Variants in RFX3 observed in about 807,000 individuals in gnomAD.
The protein encoded by RFX3 is transcription factor RFX3.
In RFX3, 14 loss-of-function variants were observed where a neutral mutation model predicts 98.6. The observed-to-expected ratio is 0.14, with a 90% confidence interval of 0.09 to 0.22. The LOEUF (loss-of-function observed/expected upper bound fraction) is 0.22, where lower values mean the gene tolerates loss of function less well. Among genes scored for constraint, RFX3 ranks in the 10% least tolerant of loss-of-function variants. RFX3 has a pLI of 1.00. For missense variants in RFX3, 639 were observed against 926.9 expected (o/e 0.69, Z 4.03); for synonymous variants, 383 against 328.4 (o/e 1.17, Z -1.80).
At chr9:3,490,180 G>GA (rs922772431) in intron 1 of RFX3, 7 of 298,312 alleles carry the variant, frequency 2.3e-5, no homozygotes, top group Non-Finnish European at 3.5e-5. Context: ...AATTACTATT[G>GA]AAAAAATTCA....
Position 3,248,116 on chromosome 9 carries a change from T to C in RFX3, c.1884A>G (p.Leu628=), listed in dbSNP as rs776258857. The change falls in exon 15 of 17, where the codon CTA becomes CTG. Residue 628 remains leucine, a synonymous_variant. Transcript: ENST00000617270. ...ASFGSFHLIR[L]LYDEYMFYLV... is the part of the protein sequence containing the mutation. ...AGTAAAACATATATTCGTCGTAGAG[T>C]AGACGGATCAGGTGGAAGGAGCCAA... The C allele has an allele frequency of 6.8e-6, 11 of 1,613,734 alleles. No homozygotes were observed. The highest frequency in any genetic ancestry group is 7.6e-6 in the Non-Finnish European group (9 of 1,179,892).
At chr9:3,483,025 T>G (rs911936842) in intron 1 of RFX3, among the ~76,000 whole-genome samples, 1 of 152,208 alleles carries the variant, frequency 6.6e-6, no homozygotes, top group African/African-American at 2.4e-5. Context: ...GCAGTTTAGC[T>G]ATTTGCTTCA....
intron 1 of RFX3, among the ~76,000 whole-genome samples, chr9:3,406,966 C>A (rs1162492555): frequency 3.3e-5 from 5 of 152,130 alleles, no homozygotes; most frequent in African/African-American, 1.2e-4. Flanking sequence ...TCTGACATAT[C>A]ATTTACTGTG....
chr9:3,417,471 G>A (rs948279819), intron 1 of RFX3, among the ~76,000 whole-genome samples: 2 of 151,926 alleles, frequency 1.3e-5, no homozygotes, highest in African/African-American at 4.8e-5. Context: ...ATCTTACAAA[G>A]TAATTTGTAT....
At chr9:3,239,047 G>A (rs900092829) in intron 15 of RFX3, among the ~76,000 whole-genome samples, 2 of 151,620 alleles carry the variant, frequency 1.3e-5, no homozygotes, top group Non-Finnish European at 2.9e-5. Flanking sequence ...AAAAAGGTAG[G>A]TAATGGCAGC....
chr9:3,260,893 G>C (rs1822793197), intron 13 of RFX3, among the ~76,000 whole-genome samples: 1 of 149,522 alleles, frequency 6.7e-6, no homozygotes, highest in African/African-American at 2.4e-5. Flanking sequence ...TAAAATATTA[G>C]ATAGATATAG....
chr9:3,415,837 C>T (rs1842935541), intron 1 of RFX3, among the ~76,000 whole-genome samples: 1 of 152,076 alleles, frequency 6.6e-6, no homozygotes, highest in South Asian at 2.1e-4. Flanking sequence ...CAGTGCTGAC[C>T]CCTCAATCTC....
chr9:3,352,782 G>T (rs1332529858), intron 2 of RFX3, among the ~76,000 whole-genome samples: 1 of 152,048 alleles, frequency 6.6e-6, no homozygotes, highest in Admixed American at 6.6e-5. Flanking sequence ...ATGATCCTGG[G>T]TTCTGACCTA....
chr9:3,281,573 T>C (rs909588603), intron 7 of RFX3, among the ~76,000 whole-genome samples: 12 of 151,726 alleles, frequency 7.9e-5, no homozygotes, highest in Admixed American at 5.9e-4. Flanking sequence ...CAGCACTTGG[T>C]TTCAAAATTA....
intron 4 of RFX3, among the ~76,000 whole-genome samples, chr9:3,313,793 T>G (rs1167406119): frequency 6.6e-6 from 1 of 152,018 alleles, no homozygotes; most frequent in African/African-American, 2.4e-5. Context: ...ATCAAATGAA[T>G]GAAGTGAAGC....
intron 1 of RFX3, chr9:3,400,138 A>G (rs1841327891): frequency 2.3e-6 from 1 of 433,526 alleles, no homozygotes; most frequent in Non-Finnish European, 3.1e-6. Flanking sequence ...CTTATTTTAA[A>G]GATGAGTTAA....
At chr9:3,286,455 A>T (rs566102814) in intron 7 of RFX3, among the ~76,000 whole-genome samples, 3 of 151,834 alleles carry the variant, frequency 2.0e-5, no homozygotes, top group African/African-American at 7.2e-5. Flanking sequence ...AACCTTTAAG[A>T]TATCTTTTAT....
At chr9:3,367,396 C>T (rs2131498523) in intron 2 of RFX3, among the ~76,000 whole-genome samples, 1 of 152,254 alleles carries the variant, frequency 6.6e-6, no homozygotes, top group South Asian at 2.1e-4. Flanking sequence ...TGGAATGGAT[C>T]CTTCCCCAGG....
rs900723778 is a variant in RFX3 at position 3,379,862 on chromosome 9, C to A, written c.117+15610G>T. ...TACATCAATTATTTTTTCATTTGAC[C>A]TTTATAACTTATGGGCAATTTATTT... On this transcript the variant is annotated intron_variant, in intron 2 of 16. Transcript: ENST00000617270. Among the ~76,000 whole-genome samples, 3 of 151,366 alleles carry A rather than the reference C, an allele frequency of 2.0e-5. No homozygotes were observed. In the East Asian group the frequency reaches 5.8e-4, roughly 29 times the overall value.
intron 4 of RFX3, among the ~76,000 whole-genome samples, chr9:3,316,068 A>T (rs1447003553): frequency 6.6e-6 from 1 of 152,118 alleles, no homozygotes; most frequent in South Asian, 2.1e-4. Flanking sequence ...CAGGGACACA[A>T]TAAAAAAAAA....
chr9:3,377,171 A>G (rs1302467333), intron 2 of RFX3, among the ~76,000 whole-genome samples: 2 of 152,220 alleles, frequency 1.3e-5, no homozygotes, highest in Non-Finnish European at 2.9e-5. Context: ...ACTATTCACA[A>G]TAGCAAAGAG....
intron 15 of RFX3, among the ~76,000 whole-genome samples, chr9:3,244,112 C>T (rs1241310070): frequency 6.6e-6 from 1 of 152,002 alleles, no homozygotes; most frequent in Non-Finnish European, 1.5e-5. Context: ...AGCAATTCTC[C>T]TGGTCTCAGC....
chr9:3,463,099 C>A (rs759116231), intron 1 of RFX3, among the ~76,000 whole-genome samples: 2 of 151,698 alleles, frequency 1.3e-5, no homozygotes, highest in African/African-American at 4.8e-5. Flanking sequence ...TTTTGAAACA[C>A]AAGAGAAAGT....
chr9:3,448,041 G>C (rs1161414611), intron 1 of RFX3, among the ~76,000 whole-genome samples: 1 of 151,958 alleles, frequency 6.6e-6, no homozygotes, highest in Non-Finnish European at 1.5e-5. Context: ...CTAGAGATTT[G>C]GCCAGCAATA....
Sources: gnomAD v4.1 joint callset for allele counts (sites outside exome capture counted in the v4.1 genomes callset) on GRCh38, gnomAD v4.1.1 for gene constraint, MANE v1.5 for transcripts, NCBI Gene and HGNC (gene_info 2026-07-23, HGNC 2026-07-21) for gene names.